SOX5: variants seen among roughly 807,000 people sequenced by gnomAD.
SOX5 encodes transcription factor SOX-5.
Under a neutral mutation model 92.0 loss-of-function variants are expected in SOX5, and 9 were observed. That is an observed-to-expected ratio of 0.10 (90% confidence interval 0.06 to 0.17). The LOEUF (loss-of-function observed/expected upper bound fraction) is 0.17. Among genes scored for constraint, SOX5 ranks in the 10% least tolerant of loss-of-function variants. SOX5 has a pLI of 1.00. For synonymous variants in SOX5, 344 were observed against 336.3 expected (o/e 1.02, Z -0.25); for missense variants, 642 against 944.5 (o/e 0.68, Z 4.20).
At chr12:23,918,275 T>C (rs1442528578) in intron 1 of SOX5, among the ~76,000 whole-genome samples, 1 of 152,212 alleles carries the variant, frequency 6.6e-6, no homozygotes, top group Non-Finnish European at 1.5e-5. Flanking sequence ...TTTTTTCGTT[T>C]AGTCAAAGTA....
At chr12:23,843,187 T>C (rs1309329117) in intron 3 of SOX5, among the ~76,000 whole-genome samples, 1 of 147,908 alleles carries the variant, frequency 6.8e-6, no homozygotes, top group African/African-American at 2.4e-5. Context: ...AACAAGGACA[T>C]TCTGAGAAGC....
intron 1 of SOX5, among the ~76,000 whole-genome samples, chr12:24,535,103 A>C (rs900119607): frequency 3.9e-5 from 6 of 152,316 alleles, no homozygotes; most frequent in Admixed American, 6.5e-5. Context: ...GAAATGCATA[A>C]CCACCTCCAT....
intron 4 of SOX5, among the ~76,000 whole-genome samples, chr12:24,107,823 G>A (rs950014105): frequency 2.6e-5 from 4 of 152,116 alleles, no homozygotes; most frequent in Admixed American, 6.5e-5. Context: ...TAATTAAAAC[G>A]AGAAAGATGA....
intron 4 of SOX5, among the ~76,000 whole-genome samples, chr12:24,208,937 T>C (rs1037694310): frequency 3.3e-5 from 5 of 152,194 alleles, no homozygotes; most frequent in Non-Finnish European, 5.9e-5. Flanking sequence ...TTGATGATCT[T>C]AGCAAGATTT....
At chr12:23,731,120 C>G (rs1301002290) in intron 6 of SOX5, among the ~76,000 whole-genome samples, 1 of 152,204 alleles carries the variant, frequency 6.6e-6, no homozygotes, top group African/African-American at 2.4e-5. Context: ...CCTTAGACAT[C>G]AACTTCAGGC....
At chr12:24,271,411 T>C (rs1023488849) in intron 3 of SOX5, among the ~76,000 whole-genome samples, 5 of 152,248 alleles carry the variant, frequency 3.3e-5, no homozygotes, top group African/African-American at 1.2e-4. Context: ...TAAAAATCAA[T>C]TCTGAATACC....
rs972355140 is a variant in SOX5 at position 24,393,535 on chromosome 12, T to C, written c.-250-24896A>G. Among the ~76,000 whole-genome samples, 8 of 152,184 alleles carry C rather than the reference T, an allele frequency of 5.3e-5. No homozygotes were observed. The highest frequency in any genetic ancestry group is 8.8e-5 in the Non-Finnish European group (6 of 68,034). ...TATCTGAATAATGAGATCTGTAAAATTGATTCTTGCATTAGAAATTTACTG... is the reference window on the plus strand; with the variant it reads ...TATCTGAATAATGAGATCTGTAAAACTGATTCTTGCATTAGAAATTTACTG... On this transcript the variant is annotated intron_variant, in intron 1 of 4. Coordinates refer to the SOX5 transcript ENST00000446891. This position sits in a 1 kb window ranked among gnomAD's most constrained non-coding sequence, Gnocchi z 5.0.
chr12:24,484,950 T>A (rs542982249), intron 1 of SOX5, among the ~76,000 whole-genome samples: 163 of 152,306 alleles, frequency 1.1e-3, no homozygotes, highest in African/African-American at 3.2e-3. Context: ...TAAATACTTT[T>A]GTATTCAGAG....
At chr12:23,784,953 A>G (rs1470845359) in intron 3 of SOX5, among the ~76,000 whole-genome samples, 1 of 152,164 alleles carries the variant, frequency 6.6e-6, no homozygotes, top group African/African-American at 2.4e-5. Flanking sequence ...GTGATGGCAC[A>G]TGCATGTAGT....
chr12:24,323,481 G>C (rs192439520), intron 2 of SOX5, among the ~76,000 whole-genome samples: 2 of 151,636 alleles, frequency 1.3e-5, no homozygotes, highest in Admixed American at 1.3e-4. Flanking sequence ...CATTTTTAAT[G>C]TCAAACAAAA....
intron 4 of SOX5, among the ~76,000 whole-genome samples, chr12:23,995,443 C>T (rs1250920250): frequency 6.6e-6 from 1 of 152,048 alleles, no homozygotes; most frequent in African/African-American, 2.4e-5. Flanking sequence ...GACTATAATC[C>T]CAGCACTCTG....
At chr12:23,922,090 TC>T (rs1938460019) in intron 1 of SOX5, among the ~76,000 whole-genome samples, 1 of 152,152 alleles carries the variant, frequency 6.6e-6, no homozygotes, top group African/African-American at 2.4e-5. Flanking sequence ...CCCACTTTTT[TC>T]AGGGAGGAAT....
At chr12:24,554,208 A>C (rs1953517413) in intron 1 of SOX5, among the ~76,000 whole-genome samples, 1 of 152,242 alleles carries the variant, frequency 6.6e-6, no homozygotes. Context: ...ACACCGGTAC[A>C]TCTAGGCAGA....
intron 3 of SOX5, among the ~76,000 whole-genome samples, chr12:23,781,443 A>G (rs1475015701): frequency 1.3e-5 from 2 of 152,100 alleles, no homozygotes; most frequent in Non-Finnish European, 2.9e-5. Flanking sequence ...TGTTAAAAAC[A>G]GCTGTGATTG....
intron 1 of SOX5, among the ~76,000 whole-genome samples, chr12:24,540,482 C>A (rs1192115827): frequency 6.6e-6 from 1 of 152,132 alleles, no homozygotes; most frequent in Non-Finnish European, 1.5e-5. Flanking sequence ...TGCAAGCACA[C>A]ACACTTCTAA....
At chr12:23,903,213 T>C (rs533081721) in intron 1 of SOX5, among the ~76,000 whole-genome samples, 8 of 152,260 alleles carry the variant, frequency 5.3e-5, no homozygotes, top group South Asian at 2.1e-4. Context: ...AGGAGATAGA[T>C]AGATAATAGA....
chr12:23,586,858 T>C (rs983078678), intron 9 of SOX5, among the ~76,000 whole-genome samples: 11 of 151,400 alleles, frequency 7.3e-5, no homozygotes, highest in Admixed American at 3.3e-4. Context: ...TCTTCTCTCA[T>C]AATTAACCTC....
intron 2 of SOX5, among the ~76,000 whole-genome samples, chr12:24,307,212 T>A (rs960906598): frequency 6.6e-6 from 1 of 152,134 alleles, no homozygotes; most frequent in Admixed American, 6.5e-5. Flanking sequence ...CCCACCAGGG[T>A]CCTCTGAAAG....
intron 8 of SOX5, among the ~76,000 whole-genome samples, chr12:23,629,751 A>T (rs1425472054): frequency 2.0e-5 from 3 of 151,866 alleles, no homozygotes; most frequent in Non-Finnish European, 2.9e-5. Context: ...TTCATATTTC[A>T]TTCATTCTCT....
Sources: gnomAD v4.1 joint callset for allele counts (sites outside exome capture counted in the v4.1 genomes callset) on GRCh38, gnomAD v4.1.1 for gene constraint, Gnocchi (gnomAD v3.1) non-coding constraint, MANE v1.5 for transcripts, NCBI Gene and HGNC (gene_info 2026-07-23, HGNC 2026-07-21) for gene names.